ACTN1: variants seen among roughly 807,000 people sequenced by gnomAD.
ACTN1 encodes actinin alpha 1.
Under a neutral mutation model 119.6 loss-of-function variants are expected in ACTN1, and 30 were observed. That is an observed-to-expected ratio of 0.25 (90% CI 0.19 to 0.34). The LOEUF is 0.34. Ranked by LOEUF, ACTN1 falls within the 10% of genes least tolerant of loss-of-function variation. The pLI is 1.00. For missense variants in ACTN1, 764 were observed against 1,223.4 expected, an observed-to-expected ratio of 0.62 and a Z score of 5.60; for synonymous variants, 429 against 472.6, an observed-to-expected ratio of 0.91 and a Z score of 1.20.
At chr14:68,943,159 C>A (rs2035821474) in intron 1 of ACTN1, among the ~76,000 whole-genome samples, 1 of 152,188 alleles carries the variant, frequency 6.6e-6, no homozygotes, top group South Asian at 2.1e-4. Context: ...AACAGCTCAG[C>A]AGGCTGAGCA....
intron 6 of ACTN1, 94 bp from the exon 7 acceptor site, chr14:68,904,830 G>A (rs1262207076): frequency 1.2e-5 from 13 of 1,043,510 alleles, no homozygotes; most frequent in Non-Finnish European, 1.9e-5. Context: ...CTGGGGAGCA[G>A]AGCGACTTTC....
At chr14:68,949,212 TAAG>T (rs1407202510) in intron 1 of ACTN1, among the ~76,000 whole-genome samples, 1 of 152,022 alleles carries the variant, frequency 6.6e-6, no homozygotes, top group African/African-American at 2.4e-5. Context: ...GGGGAGGTCA[TAAG>T]AAGAATGGGC....
At chr14:68,973,523 GAACTGTGAGTCAATTA>G (rs1470465538) in intron 1 of ACTN1, among the ~76,000 whole-genome samples, 4 of 152,182 alleles carry the variant, frequency 2.6e-5, no homozygotes, top group Non-Finnish European at 1.5e-5. Context: ...CCTCCATGCT[GAACTGTGAGTCAATTA>G]AACTTCTTTG....
chr14:68,926,559 A>T (rs1286045290), intron 1 of ACTN1, among the ~76,000 whole-genome samples: 3 of 152,196 alleles, frequency 2.0e-5, no homozygotes, highest in Non-Finnish European at 4.4e-5. Context: ...TTTAGATCTA[A>T]ACCATTCATT....
At chr14:68,899,526 ACAC>A (rs1302733182) in intron 8 of ACTN1, among the ~76,000 whole-genome samples, 2 of 150,406 alleles carry the variant, frequency 1.3e-5, no homozygotes, top group African/African-American at 4.9e-5. Context: ...CCATACACAC[ACAC>A]CTCACACACA....
chr14:68,918,364 G>A (rs186345534), intron 3 of ACTN1, among the ~76,000 whole-genome samples: 2,720 of 150,326 alleles, frequency 0.018, 89 homozygotes, highest in African/African-American at 0.063. Flanking sequence ...GGTGGATCAC[G>A]AGGTCAGGAG....
chr14:68,910,881 G>T (rs1016091689), intron 4 of ACTN1, among the ~76,000 whole-genome samples: 12 of 152,218 alleles, frequency 7.9e-5, no homozygotes, highest in Non-Finnish European at 5.9e-5. Flanking sequence ...TGCCATGTAA[G>T]AGGTCCCTTT....
At position 68,967,646 on chromosome 14, in the gene ACTN1, T is replaced by C. The variant is rs182839068; in HGVS notation, c.105+11306A>G. On this transcript the variant is annotated intron_variant, in intron 1 of 21. Transcript: ENST00000394419. Reference sequence around the variant, plus strand: ...ACATATCTGTCCTTTCTGACTCTCCTAGCCCAGGTACTAACTGGGCAAGGC... The same window carrying C: ...ACATATCTGTCCTTTCTGACTCTCCCAGCCCAGGTACTAACTGGGCAAGGC... 2.0e-5 allele frequency among the ~76,000 whole-genome samples: 3 copies of C among 152,358 alleles called. No individual in the cohort carries two copies. In the East Asian group the frequency reaches 5.8e-4, roughly 29 times the overall value.
Position 68,892,089 on chromosome 14 carries a change from C to A in ACTN1, c.1050G>T (p.Arg350=). The A allele has an allele frequency of 1.4e-5, 23 of 1,613,772 alleles. No homozygotes were observed. The highest frequency in any genetic ancestry group is 1.9e-5 in the Non-Finnish European group (23 of 1,179,952). The change falls in exon 10 of 22, where the codon CGG becomes CGT. Residue 350 remains arginine, a synonymous_variant. Transcript: ENST00000394419. ...TGCCCTCAGAGGGCATGAAGGCAGGCCGGTTGCTGAGCCGCAGCTTGGTCT... is the reference window on the plus strand; with the variant it reads ...TGCCCTCAGAGGGCATGAAGGCAGGACGGTTGCTGAGCCGCAGCTTGGTCT... ...TLQTKLRLSN[R]PAFMPSEGRM... is the part of the protein sequence containing the mutation.
At chr14:68,894,422 C>A (rs2032727739) in intron 8 of ACTN1, among the ~76,000 whole-genome samples, 1 of 152,168 alleles carries the variant, frequency 6.6e-6, no homozygotes, top group African/African-American at 2.4e-5. Context: ...GCGTGCTGGG[C>A]TAGCAGGGAC....
At chr14:68,934,546 A>C (rs2140449446) in intron 1 of ACTN1, among the ~76,000 whole-genome samples, 1 of 152,376 alleles carries the variant, frequency 6.6e-6, no homozygotes, top group African/African-American at 2.4e-5. Context: ...ATGGACAGCA[A>C]CTCACCAAGG....
At chr14:68,902,808 T>C (rs2033427902) in intron 7 of ACTN1, among the ~76,000 whole-genome samples, 1 of 152,168 alleles carries the variant, frequency 6.6e-6, no homozygotes, top group Non-Finnish European at 1.5e-5. Flanking sequence ...CGGCCCCATT[T>C]CTGCAGCAAG....
At chr14:68,905,330 T>C (rs1214155749) in intron 6 of ACTN1, among the ~76,000 whole-genome samples, 1 of 152,210 alleles carries the variant, frequency 6.6e-6, no homozygotes, top group Admixed American at 6.5e-5. Flanking sequence ...GAAGCTGTAA[T>C]CCTTGTGCGA....
At position 68,925,088 on chromosome 14, in the gene ACTN1, A is replaced by C. The variant is rs1310757002; in HGVS notation, c.220+470T>G. On this transcript the variant is annotated intron_variant, in intron 2 of 21. Transcript: ENST00000394419. The surrounding 1 kb of genome is among the most constrained non-coding windows in gnomAD (Gnocchi z 4.3). ...AGACTCACAGGACTCCCACCCCTTA[A>C]GGGATGGTGGCAGAAAGGCATTCAT... Among the ~76,000 whole-genome samples, 1 of 152,168 alleles carries C rather than the reference A, an allele frequency of 6.6e-6. No individual in the cohort carries two copies. The highest frequency in any genetic ancestry group is 2.4e-5 in the African/African-American group (1 of 41,438).
chr14:68,927,923 G>C (rs759102328), intron 1 of ACTN1, among the ~76,000 whole-genome samples: 4 of 152,088 alleles, frequency 2.6e-5, no homozygotes, highest in Non-Finnish European at 5.9e-5. Context: ...TGGGGTGGGT[G>C]GTCTTTTCTC....
intron 4 of ACTN1, among the ~76,000 whole-genome samples, chr14:68,910,336 G>A (rs2033932353): frequency 6.6e-6 from 1 of 152,114 alleles, no homozygotes; most frequent in South Asian, 2.1e-4. Flanking sequence ...TCAAAGAAAT[G>A]GTAATGATAC....
chr14:68,978,876 A>AGAGC (rs1279024986), intron 1 of ACTN1, 76 bp downstream of exon 1: 1 of 1,059,126 alleles, frequency 9.4e-7, no homozygotes, highest in African/African-American at 1.7e-5. Flanking sequence ...CCCGGAGCCG[A>AGAGC]GAGCCCGGCA....
chr14:68,914,625 G>A (rs1374562604), intron 3 of ACTN1, among the ~76,000 whole-genome samples: 1 of 152,094 alleles, frequency 6.6e-6, no homozygotes, highest in Non-Finnish European at 1.5e-5. Context: ...AATTAGCCAG[G>A]TGCAGTGGTG....
chr14:68,910,741 A>C (rs7155870), intron 4 of ACTN1, among the ~76,000 whole-genome samples: 27,057 of 152,064 alleles, frequency 0.18, 3,257 homozygotes, highest in East Asian at 0.63. Context: ...TGGGAGAGAG[A>C]CGGTGGGAGA....
Sources: gnomAD v4.1 joint callset for allele counts (sites outside exome capture counted in the v4.1 genomes callset) on GRCh38, gnomAD v4.1.1 for gene constraint, Gnocchi (gnomAD v3.1) non-coding constraint, MANE v1.5 for transcripts, NCBI Gene and HGNC (gene_info 2026-07-23, HGNC 2026-07-21) for gene names.